The following PRSS48 variants were observed in gnomAD, a reference collection of about 807,000 sequenced individuals.
PRSS48 encodes epidermis-specific serine protease-like protein.
PRSS48 carries 21 observed loss-of-function variants against 25.6 expected under a neutral mutation model. The observed-to-expected ratio is 0.82, with a 90% CI of 0.58 to 1.18. The LOEUF (loss-of-function observed/expected upper bound fraction) is 1.18. Among genes scored for constraint, PRSS48 ranks in the 50% most tolerant of loss-of-function variants. PRSS48 has a pLI of 0.00. For missense variants in PRSS48, 373 were observed against 399.3 expected (o/e 0.93, Z 0.56); for synonymous variants, 150 against 149.3 (o/e 1.00, Z -0.04).
chr4:151,279,711 T>C (rs1773999650), intron 1 of PRSS48, 85 bp from the exon 2 acceptor site: 1 of 1,319,964 alleles, frequency 7.6e-7, no homozygotes, highest in Non-Finnish European at 1.1e-6. Flanking sequence ...TAGGAATAGA[T>C]GGGAGTTTGG....
At chr4:151,281,224 T>C (rs1561427210) in intron 2 of PRSS48, among the ~76,000 whole-genome samples, 1 of 152,116 alleles carries the variant, frequency 6.6e-6, no homozygotes, top group East Asian at 1.9e-4. Flanking sequence ...GATTTACACT[T>C]CTGGTGGAGA....
At chr4:151,286,282 A>AT (rs1400686361) in intron 4 of PRSS48, among the ~76,000 whole-genome samples, 2 of 151,372 alleles carry the variant, frequency 1.3e-5, no homozygotes, top group African/African-American at 4.8e-5. Flanking sequence ...CAGAAAGACA[A>AT]TAGAGAAAAT....
intron 4 of PRSS48, among the ~76,000 whole-genome samples, chr4:151,286,195 A>AAC (rs1177072974): frequency 6.7e-6 from 1 of 149,918 alleles, no homozygotes; most frequent in Admixed American, 6.6e-5. Flanking sequence ...AAAAAAAAAA[A>AAC]AAAAAAAAAC....
chr4:151,289,909 A>G (rs1775156677), intron 4 of PRSS48, among the ~76,000 whole-genome samples: 1 of 152,198 alleles, frequency 6.6e-6, no homozygotes, highest in Non-Finnish European at 1.5e-5. Flanking sequence ...GGGAGACCCC[A>G]TCTCTAAATA....
intron 1 of PRSS48, among the ~76,000 whole-genome samples, chr4:151,277,905 G>C (rs1773800733): frequency 6.6e-6 from 1 of 152,108 alleles, no homozygotes; most frequent in Non-Finnish European, 1.5e-5. Flanking sequence ...GCCGGGCGTG[G>C]TGGCGGGCAC....
intron 4 of PRSS48, among the ~76,000 whole-genome samples, chr4:151,283,501 C>T (rs1774447335): frequency 7.3e-6 from 1 of 137,844 alleles, no homozygotes. Context: ...AACGACTGGT[C>T]ATTGGACTTT....
exon 2 of PRSS48, chr4:151,279,875 C>CAGA: frequency 7.3e-7 from 1 of 1,374,420 alleles, no homozygotes; most frequent in Non-Finnish European, 1.0e-6. Context: ...GGCAGGTCAG[C>CAGA]CTACACTTTG....
At chr4:151,290,208 G>A (rs1277898279) in intron 4 of PRSS48, among the ~76,000 whole-genome samples, 3 of 152,124 alleles carry the variant, frequency 2.0e-5, no homozygotes, top group Admixed American at 6.6e-5. Context: ...GCCTCTCAAG[G>A]CACTAGGATT....
chr4:151,280,127 T>C (rs190831049), intron 2 of PRSS48, among the ~76,000 whole-genome samples, 169 bp downstream of exon 2: 166 of 67,734 alleles, frequency 2.5e-3, no homozygotes, highest in Middle Eastern at 0.01. Context: ...GGCATAGAAG[T>C]AGAAAAAGGA....
At chr4:151,288,344 A>G (rs1257210326) in intron 4 of PRSS48, among the ~76,000 whole-genome samples, 1 of 152,230 alleles carries the variant, frequency 6.6e-6, no homozygotes, top group African/African-American at 2.4e-5. Flanking sequence ...ATCTCTAGTC[A>G]CAGATGACAT....
intron 2 of PRSS48, among the ~76,000 whole-genome samples, chr4:151,281,161 A>G (rs573437178): frequency 6.6e-6 from 1 of 152,284 alleles, no homozygotes; most frequent in South Asian, 2.1e-4. Context: ...GAGGGCTCCA[A>G]AAAAAAGATA....
At chr4:151,282,467 G>C (rs1561428590) in intron 3 of PRSS48, 54 bp downstream of exon 3, 16 of 1,582,848 alleles carry the variant, frequency 1.0e-5, no homozygotes, top group Non-Finnish European at 1.4e-5. Flanking sequence ...TTGTACTCCA[G>C]AACATTCATA....
At chr4:151,277,195 T>G (rs1245973700) in exon 1 of PRSS48, 2 of 1,499,990 alleles carry the variant, frequency 1.3e-6, no homozygotes, top group East Asian at 2.5e-5. Context: ...GGCTGTGCCT[T>G]CACGCTGCTC....
At chr4:151,286,983 AATAATAAT>A (rs750578777) in intron 4 of PRSS48, among the ~76,000 whole-genome samples, 1 of 55,644 alleles carries the variant, frequency 1.8e-5, no homozygotes, top group Non-Finnish European at 4.3e-5. Context: ...CTGTCTCAAA[AATAATAAT>A]AATAATAATA....
At chr4:151,282,026 C>T (rs1774283966) in intron 2 of PRSS48, 122 bp from the exon 3 acceptor site, 1 of 955,416 alleles carries the variant, frequency 1.0e-6, no homozygotes, top group East Asian at 2.4e-5. Context: ...AAGTTGGAAG[C>T]ACCATGGTTA....
intron 4 of PRSS48, 100 bp downstream of exon 4, chr4:151,283,386 T>C (rs2150010296): frequency 1.9e-6 from 2 of 1,049,006 alleles, no homozygotes; most frequent in East Asian, 2.4e-5. Context: ...AGTCAGGAGA[T>C]GAGGGTTCTA....
chr4:151,282,277 C>T (rs760837216), exon 3 of PRSS48: 38 of 1,613,838 alleles, frequency 2.4e-5, no homozygotes, highest in African/African-American at 1.2e-4. Context: ...CGGCAGACGT[C>T]GCCTTGTTGA....
intron 4 of PRSS48, among the ~76,000 whole-genome samples, chr4:151,286,448 C>G (rs6535784): frequency 0.8 from 120,989 of 151,064 alleles, 51,536 homozygotes; most frequent in Non-Finnish European, 0.96. Flanking sequence ...GAATTTGTAA[C>G]ACACTACTAT....
chr4:151,282,232 CA>C lies in PRSS48; in HGVS notation c.304del (p.Ile102SerfsTer17). 6.2e-7 allele frequency: 1 copy of C among 1,613,892 alleles called. No individual in the cohort carries two copies. The highest frequency in any genetic ancestry group is 8.5e-7 in the Non-Finnish European group (1 of 1,179,868). On this transcript the variant is annotated frameshift_variant, in exon 3 of 5. Coordinates refer to ENST00000455694, the Ensembl canonical transcript of PRSS48. LOFTEE classifies it high-confidence loss of function. ...GGAAACGTGTGAAGTACTACGTGTC[CA>C]AAATCGTCATCCATCCCAAGTACCA...
Sources: allele counts gnomAD v4.1 joint callset (sites outside exome capture counted in the v4.1 genomes callset), GRCh38; gene constraint gnomAD v4.1.1; transcripts MANE v1.5; gene names NCBI Gene and HGNC (gene_info 2026-07-23, HGNC 2026-07-21).